The following MGST1 variants were observed in gnomAD, a reference collection of about 807,000 sequenced individuals.
MGST1 encodes microsomal glutathione S-transferase 1.
MGST1 carries 5 observed loss-of-function variants against 8.9 expected under a neutral mutation model. The observed-to-expected ratio is 0.56, with a 90% confidence interval of 0.29 to 1.19. The LOEUF is 1.19. Among genes scored for constraint, MGST1 ranks in the 50% most tolerant of loss-of-function variants. The pLI is 0.08. For synonymous variants in MGST1, 54 were observed against 67.8 expected (o/e 0.80, Z 1.00); for missense variants, 182 against 187.4 (o/e 0.97, Z 0.17).
Position 16,582,678 on chromosome 12 carries a change from C to G in MGST1, n.483-6850C>G, listed in dbSNP as rs192672233. ...ACATCTCCTAGGAAAAATAAGTATA[C>G]CACAACAAGATCACCGTTCCTAGGT... On this transcript the variant is annotated intron_variant and non_coding_transcript_variant, in intron 4 of 4. Transcript: ENST00000538857. The surrounding 1 kb of genome is among the most constrained non-coding windows in gnomAD (Gnocchi z 4.1). 3.8e-3 allele frequency among the ~76,000 whole-genome samples: 577 copies of G among 152,176 alleles called. 1 individual carries two copies. The highest frequency in any genetic ancestry group is 6.0e-3 in the Non-Finnish European group (409 of 68,006).
At chr12:16,386,467 AG>A (rs1324034710) in intron 1 of MGST1, among the ~76,000 whole-genome samples, 1 of 152,192 alleles carries the variant, frequency 6.6e-6, no homozygotes, top group Non-Finnish European at 1.5e-5. Flanking sequence ...ATCTCTATAG[AG>A]GTCCTGGGAT....
At chr12:16,352,665 C>T (rs2975149) in intron 1 of MGST1, among the ~76,000 whole-genome samples, 95,463 of 152,098 alleles carry the variant, frequency 0.63, 31,442 homozygotes, top group Non-Finnish European at 0.73. Flanking sequence ...TCAGCACATT[C>T]CCAATTATAC....
At chr12:16,425,830 C>T (rs184281641) in intron 1 of MGST1, among the ~76,000 whole-genome samples, 15 of 152,318 alleles carry the variant, frequency 9.8e-5, no homozygotes, top group Admixed American at 9.8e-4. Flanking sequence ...TCTCAATACC[C>T]CATTTTCTAT....
chr12:16,479,535 C>CTTTTTTTTT (rs71054820), intron 4 of MGST1, among the ~76,000 whole-genome samples: 3 of 113,122 alleles, frequency 2.7e-5, no homozygotes, highest in African/African-American at 7.7e-5. Flanking sequence ...CGCCCGGCCT[C>CTTTTTTTTT]TTTTTTTTTT....
downstream of MGST1, among the ~76,000 whole-genome samples, chr12:16,381,634 G>A (rs118082543): frequency 0.068 from 10,358 of 152,006 alleles, 432 homozygotes; most frequent in East Asian, 0.13. Flanking sequence ...TTGCTCTCGA[G>A]GAGTATCTTT....
chr12:16,506,358 C>T (rs1941538010), intron 4 of MGST1, among the ~76,000 whole-genome samples: 1 of 152,106 alleles, frequency 6.6e-6, no homozygotes, highest in Admixed American at 6.6e-5. Context: ...AGTTTGCCTG[C>T]CATCTACTCT....
intron 4 of MGST1, among the ~76,000 whole-genome samples, chr12:16,492,761 A>G (rs1262671330): frequency 6.6e-6 from 1 of 152,132 alleles, no homozygotes; most frequent in Non-Finnish European, 1.5e-5. Flanking sequence ...CTAGGTCCCA[A>G]GGTTGGAGTC....
chr12:16,356,204 C>G (rs1432138692), intron 2 of MGST1, among the ~76,000 whole-genome samples: 1 of 152,166 alleles, frequency 6.6e-6, no homozygotes, highest in Non-Finnish European at 1.5e-5. Flanking sequence ...ACATTCAGTC[C>G]TTAGCAATAG....
chr12:16,421,798 A>G (rs1940838374), intron 1 of MGST1, among the ~76,000 whole-genome samples: 1 of 152,186 alleles, frequency 6.6e-6, no homozygotes, highest in South Asian at 2.1e-4. Flanking sequence ...AGTGAGACAA[A>G]TCCGTACTTG....
intron 1 of MGST1, among the ~76,000 whole-genome samples, chr12:16,433,134 C>A (rs1297258083): frequency 6.6e-6 from 1 of 152,122 alleles, no homozygotes; most frequent in East Asian, 1.9e-4. Context: ...AACTTGGAGT[C>A]TGACATTCCA....
In MGST1 at chr12:16,362,489, T is replaced by C. The variant is rs773917172; in HGVS notation, c.222-1306T>C. 3.9e-5 allele frequency: 6 copies of C among 152,134 alleles called. No homozygotes were observed. Among genetic ancestry groups the C allele is most frequent in the Admixed American group, 1.3e-4 (2 of 15,266 alleles). The allele number at this position is 152,134 out of a possible 1,614,324, so 9.4% of individuals were successfully genotyped here. ...TTGAGCAGGCAATATGTAATAATTA[T>C]ATGCTTATTGCTATAGAAGAGAGTA... is the stretch of plus-strand genomic sequence containing the variant. On this transcript the variant is annotated intron_variant, in intron 3 of 3. Transcript: ENST00000396210. This position sits in a 1 kb window ranked among gnomAD's most constrained non-coding sequence, Gnocchi z 4.4.
intron 4 of MGST1, among the ~76,000 whole-genome samples, chr12:16,470,143 A>G (rs1941282488): frequency 6.6e-6 from 1 of 152,212 alleles, no homozygotes; most frequent in African/African-American, 2.4e-5. Context: ...GGTAATTGCT[A>G]TACTGTTGGT....
intron 4 of MGST1, among the ~76,000 whole-genome samples, chr12:16,533,372 T>C (rs1043355252): frequency 3.3e-5 from 5 of 152,162 alleles, no homozygotes; most frequent in Non-Finnish European, 7.4e-5. Context: ...AGCCATATCA[T>C]TTAGGCCAAG....
In MGST1 at chr12:16,369,573, C is replaced by T. The variant is rs1055084573; in HGVS notation, c.222-6549C>T. 6.6e-6 allele frequency among the ~76,000 whole-genome samples: 1 copy of T among 152,118 alleles called. No individual in the cohort carries two copies. The highest frequency in any genetic ancestry group is 1.5e-5 in the Non-Finnish European group (1 of 68,022). ...TATGGACTCTGGGCCAAATACAGCC[C>T]ATGGGCTGTTTTTATAAATAATGTT... is the stretch of plus-strand genomic sequence containing the variant. On this transcript the variant is annotated intron_variant, in intron 3 of 3. Transcript: ENST00000535309. The surrounding 1 kb of genome is among the most constrained non-coding windows in gnomAD (Gnocchi z 4.8).
At chr12:16,404,524 A>G (rs1004576964) in intron 1 of MGST1, among the ~76,000 whole-genome samples, 2 of 151,832 alleles carry the variant, frequency 1.3e-5, no homozygotes, top group Non-Finnish European at 2.9e-5. Flanking sequence ...ATTAGTATAG[A>G]AACTATATAC....
chr12:16,466,362 AG>A lies in MGST1; in HGVS notation n.482+82760del, dbSNP rs34057778. 4.6e-3 allele frequency among the ~76,000 whole-genome samples: 705 copies of A among 152,300 alleles called. 13 individuals carry two copies. The highest frequency in any genetic ancestry group is 0.018 in the East Asian group (94 of 5,184). On this transcript the variant is annotated intron_variant and non_coding_transcript_variant, in intron 4 of 4. Coordinates refer to the MGST1 transcript ENST00000538857. ...AATTTTTAAATAGCTGGCGAGGTCA[AG>A]GCTACTAATTCTGATGAAAAGTGAA... is the stretch of plus-strand genomic sequence containing the variant.
At position 16,559,798 on chromosome 12, in the gene MGST1, G is replaced by GA. The variant is rs60838238; in HGVS notation, n.483-29716dup. On this transcript the variant is annotated intron_variant and non_coding_transcript_variant, in intron 4 of 4. Coordinates refer to the MGST1 transcript ENST00000538857. This position sits in a 1 kb window ranked among gnomAD's most constrained non-coding sequence, Gnocchi z 4.1. ...AAACTCCATCATCTCTATAAAAAAT[G>GA]AAAAAAAAAAAAAATTAGCCAGGCA... 2.5e-3 allele frequency among the ~76,000 whole-genome samples: 349 copies of GA among 138,286 alleles called. No individual in the cohort carries two copies. The highest frequency in any genetic ancestry group is 0.011 in the Middle Eastern group (3 of 272). The allele number at this position is 138,286 out of a possible 152,430, so 90.7% of individuals were successfully genotyped here. A position where few individuals can be genotyped will look rare whatever the true frequency, so the allele number is the denominator to read the frequency against.
At chr12:16,465,990 T>G (rs1371000905) in intron 4 of MGST1, among the ~76,000 whole-genome samples, 1 of 152,230 alleles carries the variant, frequency 6.6e-6, no homozygotes, top group East Asian at 1.9e-4. Flanking sequence ...ATATAGCTAA[T>G]AACTCTTATT....
At chr12:16,419,493 TCGA>T (rs999078618) in intron 1 of MGST1, among the ~76,000 whole-genome samples, 16 of 152,154 alleles carry the variant, frequency 1.1e-4, no homozygotes, top group African/African-American at 3.9e-4. Context: ...GGAAAAAATC[TCGA>T]CAATGAACTT....
Sources: allele counts gnomAD v4.1 joint callset (sites outside exome capture counted in the v4.1 genomes callset), GRCh38; gene constraint gnomAD v4.1.1; non-coding constraint Gnocchi (gnomAD v3.1); transcripts MANE v1.5; gene names NCBI Gene and HGNC (gene_info 2026-07-23, HGNC 2026-07-21).